The following RANBP17 variants were observed in gnomAD, a reference collection of about 807,000 sequenced individuals.
RANBP17 encodes the protein RAN binding protein 17.
RANBP17 carries 158 observed loss-of-function variants against 141.2 expected under a neutral mutation model. The observed-to-expected ratio is 1.12, with a 90% confidence interval of 0.98 to 1.28. RANBP17 has a LOEUF of 1.28. RANBP17 is among the 50% of genes most tolerant of loss of function. The pLI is 0.00. For synonymous variants in RANBP17, 430 were observed against 450.0 expected (o/e 0.96, Z 0.56); for missense variants, 1,438 against 1,290.7 (o/e 1.11, Z -1.75).
intron 25 of RANBP17, among the ~76,000 whole-genome samples, chr5:171,283,698 C>T (rs566826722): frequency 8.4e-4 from 128 of 152,282 alleles, no homozygotes; most frequent in African/African-American, 2.9e-3. Flanking sequence ...TGGGTGTTCA[C>T]GTGCATATGT....
At chr5:171,022,861 C>T (rs374656975) in intron 14 of RANBP17, among the ~76,000 whole-genome samples, 96 of 152,298 alleles carry the variant, frequency 6.3e-4, no homozygotes, top group African/African-American at 2.2e-3. Flanking sequence ...AGCTGAGAGG[C>T]GGTTGACAAT....
chr5:170,877,970 G>A, intron 1 of RANBP17, 127 bp from the exon 2 acceptor site: 1 of 567,932 alleles, frequency 1.8e-6, no homozygotes, highest in Non-Finnish European at 2.8e-6. Context: ...GTAAGTAGTT[G>A]TATATCGATA....
intron 13 of RANBP17, among the ~76,000 whole-genome samples, chr5:170,967,422 A>G (rs1320069968): frequency 1.3e-5 from 2 of 152,166 alleles, no homozygotes; most frequent in East Asian, 3.9e-4. Flanking sequence ...TTCTGTCTCA[A>G]AAAATTATTA....
chr5:171,044,409 C>T (rs1361281048), intron 14 of RANBP17, among the ~76,000 whole-genome samples: 3 of 151,674 alleles, frequency 2.0e-5, no homozygotes, highest in Non-Finnish European at 1.5e-5. Context: ...ACTTATTTTA[C>T]CTTATTAGCA....
chr5:171,070,716 T>A (rs1250274543), intron 14 of RANBP17, among the ~76,000 whole-genome samples: 1 of 151,866 alleles, frequency 6.6e-6, no homozygotes, highest in African/African-American at 2.4e-5. Context: ...CTTTCCTGTT[T>A]GCCTTCCCCT....
intron 12 of RANBP17, among the ~76,000 whole-genome samples, chr5:170,929,952 G>A (rs1773213600): frequency 6.6e-6 from 1 of 152,030 alleles, no homozygotes; most frequent in African/African-American, 2.4e-5. Context: ...TTTACTCAAT[G>A]TTTCAATGTA....
At chr5:170,926,688 T>TTC (rs532647311) in intron 12 of RANBP17, among the ~76,000 whole-genome samples, 90 of 130,550 alleles carry the variant, frequency 6.9e-4, no homozygotes, top group African/African-American at 2.2e-3. Flanking sequence ...GGTAATGTAT[T>TTC]TCATTGTGCA....
chr5:170,905,382 A>T (rs1464518612), intron 5 of RANBP17, among the ~76,000 whole-genome samples: 1 of 152,182 alleles, frequency 6.6e-6, no homozygotes, highest in Non-Finnish European at 1.5e-5. Context: ...GTATATATGT[A>T]GAAGAGCTTG....
intron 5 of RANBP17, among the ~76,000 whole-genome samples, chr5:170,905,041 T>C (rs1464316770): frequency 6.6e-6 from 1 of 152,180 alleles, no homozygotes; most frequent in Non-Finnish European, 1.5e-5. Context: ...AATAATTGCT[T>C]TCTTATCAAA....
chr5:171,276,411 A>T (rs1027902813), intron 25 of RANBP17, among the ~76,000 whole-genome samples: 1 of 152,264 alleles, frequency 6.6e-6, no homozygotes. Flanking sequence ...GCTAAAAGAA[A>T]AAAAGAAGCC....
intron 25 of RANBP17, among the ~76,000 whole-genome samples, chr5:171,290,762 C>T (rs774052346): frequency 6.6e-6 from 1 of 152,290 alleles, no homozygotes; most frequent in Admixed American, 6.5e-5. Context: ...TCTCATTTAT[C>T]TGTATCTAAT....
At chr5:171,105,590 A>G (rs924447343) in intron 14 of RANBP17, among the ~76,000 whole-genome samples, 3 of 151,924 alleles carry the variant, frequency 2.0e-5, no homozygotes, top group Middle Eastern at 3.4e-3. Context: ...GGTGGCACAC[A>G]CCCTGTAGTA....
At chr5:170,932,222 G>A (rs1773451145) in intron 12 of RANBP17, among the ~76,000 whole-genome samples, 1 of 152,130 alleles carries the variant, frequency 6.6e-6, no homozygotes. Flanking sequence ...TGTTATTGGT[G>A]TATAGGAATG....
At chr5:171,110,524 A>C (rs1215303837) in intron 14 of RANBP17, among the ~76,000 whole-genome samples, 1 of 152,028 alleles carries the variant, frequency 6.6e-6, no homozygotes, top group Non-Finnish European at 1.5e-5. Context: ...GGAGGCAAAA[A>C]CTTTTCCCTC....
Position 171,226,201 on chromosome 5 carries a change from A to G in RANBP17, c.2422+4361A>G, listed in dbSNP as rs561022660. ...ATAAATGTTATTACTTTGGAAACCT[A>G]CTTCTCAGTTTTAAGAACTGGATGA... On this transcript the variant is annotated intron_variant, in intron 22 of 27. Coordinates refer to ENST00000523189, the MANE Select transcript of RANBP17 (RefSeq NM_022897.5). Among the ~76,000 whole-genome samples the G allele has an allele frequency of 2.4e-4, 37 of 152,292 alleles. 1 individual carries two copies. The highest frequency in any genetic ancestry group is 8.3e-4 in the South Asian group (4 of 4,830).
chr5:171,044,460 A>G (rs1439938760), intron 14 of RANBP17, among the ~76,000 whole-genome samples: 1 of 152,054 alleles, frequency 6.6e-6, no homozygotes, highest in Non-Finnish European at 1.5e-5. Context: ...TTGTAATAAT[A>G]ACATTTTTTC....
At chr5:171,057,829 A>T (rs1013044632) in intron 14 of RANBP17, among the ~76,000 whole-genome samples, 2 of 151,926 alleles carry the variant, frequency 1.3e-5, no homozygotes, top group African/African-American at 4.8e-5. Context: ...CTGAGAACTC[A>T]CTATCACAAG....
chr5:171,184,357 T>TTAAGG (rs1761086049), intron 18 of RANBP17, among the ~76,000 whole-genome samples: 1 of 152,202 alleles, frequency 6.6e-6, no homozygotes, highest in African/African-American at 2.4e-5. Flanking sequence ...TGGAGGGTAC[T>TTAAGG]ATGTTAAGTG....
intron 20 of RANBP17, chr5:171,206,315 T>C (rs1467889835): frequency 6.3e-6 from 1 of 158,958 alleles, no homozygotes; most frequent in Non-Finnish European, 1.4e-5. Context: ...TGAAAACAGA[T>C]ACAATTCAGT....
Sources: gnomAD v4.1 joint callset for allele counts (sites outside exome capture counted in the v4.1 genomes callset) on GRCh38, gnomAD v4.1.1 for gene constraint, MANE v1.5 for transcripts, NCBI Gene and HGNC (gene_info 2026-07-23, HGNC 2026-07-21) for gene names.